The following METTL15 variants were observed in gnomAD, a reference collection of about 807,000 sequenced individuals.
The protein encoded by METTL15 is 12S rRNA N(4)-cytidine methyltransferase METTL15.
Under a neutral mutation model 38.3 loss-of-function variants are expected in METTL15, and 34 were observed. The observed-to-expected ratio is 0.89, with a 90% CI of 0.68 to 1.18. The LOEUF is 1.18. METTL15 is among the 50% of genes most tolerant of loss of function. The pLI, the probability that METTL15 is intolerant of heterozygous loss-of-function variation, is 0.00. For missense variants in METTL15, 438 were observed against 498.4 expected (o/e 0.88, Z 1.15); for synonymous variants, 162 against 170.9 (o/e 0.95, Z 0.41).
intron 3 of METTL15, among the ~76,000 whole-genome samples, chr11:28,191,079 T>C (rs1224516421): frequency 6.6e-6 from 1 of 151,476 alleles, no homozygotes; most frequent in East Asian, 1.9e-4. Context: ...ATAAGGTTTG[T>C]ATTTTAAACT....
At chr11:28,128,204 G>A (rs900511062) in intron 3 of METTL15, among the ~76,000 whole-genome samples, 1 of 151,914 alleles carries the variant, frequency 6.6e-6, no homozygotes, top group African/African-American at 2.4e-5. Flanking sequence ...TGTATTAATG[G>A]TGTTTTATAG....
chr11:28,525,100 C>T (rs547183702), intron 6 of METTL15, among the ~76,000 whole-genome samples: 9 of 152,154 alleles, frequency 5.9e-5, no homozygotes, highest in East Asian at 1.9e-4. Flanking sequence ...TGCAGACCTT[C>T]GCTGTGAGTG....
Position 28,195,575 on chromosome 11 carries a change from AT to A in METTL15, c.271-15481del, listed in dbSNP as rs556451322. 3.3e-5 allele frequency among the ~76,000 whole-genome samples: 5 copies of A among 151,456 alleles called. 1 individual carries two copies. The South Asian group carries it at 1.0e-3, about 32-fold the overall frequency. ...TAATGGGATTGTTTTCTTCTTGCTCATTTTTTCGAGTTCCGTGTGGATTCTG... is the reference window on the plus strand; with the variant it reads ...TAATGGGATTGTTTTCTTCTTGCTCATTTTTCGAGTTCCGTGTGGATTCTG... On this transcript the variant is annotated intron_variant, in intron 3 of 6. Transcript: ENST00000407364.
chr11:28,230,661 G>A (rs979475409), intron 4 of METTL15, among the ~76,000 whole-genome samples: 30 of 151,864 alleles, frequency 2.0e-4, no homozygotes, highest in South Asian at 8.3e-4. Context: ...TCTCTAAATC[G>A]TCAACTAATT....
At chr11:28,444,688 A>G (rs1303441715) in intron 6 of METTL15, among the ~76,000 whole-genome samples, 1 of 152,160 alleles carries the variant, frequency 6.6e-6, no homozygotes, top group Non-Finnish European at 1.5e-5. Flanking sequence ...AAATGTTGCA[A>G]AGATTAAGTG....
chr11:28,311,041 C>T (rs1207392543), intron 6 of METTL15, among the ~76,000 whole-genome samples: 1 of 147,236 alleles, frequency 6.8e-6, no homozygotes, highest in African/African-American at 2.5e-5. Context: ...AGATTCCATC[C>T]ATTATTTCCC....
intron 3 of METTL15, among the ~76,000 whole-genome samples, chr11:28,144,653 A>C (rs1849817018): frequency 6.6e-6 from 1 of 152,050 alleles, no homozygotes; most frequent in Non-Finnish European, 1.5e-5. Flanking sequence ...TTTGGTGGAT[A>C]TAGTGAATAA....
intron 2 of METTL15, among the ~76,000 whole-genome samples, chr11:28,112,125 A>C (rs1851744808): frequency 6.6e-6 from 1 of 152,106 alleles, no homozygotes; most frequent in African/African-American, 2.4e-5. Flanking sequence ...CAACGTTTTT[A>C]ATTTTTTTTA....
chr11:28,308,550 G>A (rs1040672728), intron 6 of METTL15, among the ~76,000 whole-genome samples: 2 of 152,028 alleles, frequency 1.3e-5, no homozygotes, highest in Non-Finnish European at 2.9e-5. Context: ...TGTTTATGTA[G>A]TGCTTCAAAG....
chr11:28,437,992 A>G (rs555378965), intron 6 of METTL15, among the ~76,000 whole-genome samples: 48 of 139,142 alleles, frequency 3.4e-4, no homozygotes, highest in African/African-American at 1.1e-3. Flanking sequence ...TAGGTGCTCA[A>G]TAAATATTTA....
intron 6 of METTL15, among the ~76,000 whole-genome samples, chr11:28,314,971 G>C (rs933809191): frequency 4.6e-5 from 7 of 152,204 alleles, no homozygotes; most frequent in African/African-American, 7.2e-5. Flanking sequence ...ATGTGGAACT[G>C]TAAGTCCAAT....
chr11:28,439,578 A>G (rs571406692), intron 6 of METTL15, among the ~76,000 whole-genome samples: 47 of 152,128 alleles, frequency 3.1e-4, no homozygotes, highest in Non-Finnish European at 5.4e-4. Context: ...GTCTTCCCTC[A>G]TTATCCCTGT....
chr11:28,123,121 A>G (rs1852321802), intron 3 of METTL15, among the ~76,000 whole-genome samples: 1 of 152,146 alleles, frequency 6.6e-6, no homozygotes, highest in Admixed American at 6.6e-5. Context: ...TTCATTGTAT[A>G]TGAGAAGCTC....
intron 4 of METTL15, among the ~76,000 whole-genome samples, chr11:28,269,923 T>C (rs1357731807): frequency 6.6e-6 from 1 of 152,210 alleles, no homozygotes; most frequent in Non-Finnish European, 1.5e-5. Flanking sequence ...GAAAATATTT[T>C]AGATTTTTAT....
intron 6 of METTL15, among the ~76,000 whole-genome samples, chr11:28,498,792 G>C (rs1460466109): frequency 2.6e-5 from 4 of 152,216 alleles, no homozygotes; most frequent in Non-Finnish European, 2.9e-5. Flanking sequence ...ACAAGAAAAG[G>C]ACACTCGTTA....
intron 3 of METTL15, among the ~76,000 whole-genome samples, chr11:28,159,732 T>C (rs370318625): frequency 7.0e-4 from 107 of 152,322 alleles, no homozygotes; most frequent in African/African-American, 2.4e-3. Context: ...GTTAACTTTA[T>C]GTAATAGTAT....
intron 4 of METTL15, among the ~76,000 whole-genome samples, chr11:28,224,157 ACGTTTTTCATTTCATCTTTCTAATT>A (rs1853373070): frequency 6.6e-6 from 1 of 151,994 alleles, no homozygotes; most frequent in Non-Finnish European, 1.5e-5. Flanking sequence ...TAGTGATTTT[ACGTTTTTCATTTCATCTTTCTAATT>A]GTCAGTGTTT....
chr11:28,328,442 T>C (rs191184053), intron 6 of METTL15, among the ~76,000 whole-genome samples: 1 of 152,264 alleles, frequency 6.6e-6, no homozygotes, highest in East Asian at 1.9e-4. Context: ...GGTGTTTAGA[T>C]TACTGAAATG....
intron 5 of METTL15, among the ~76,000 whole-genome samples, chr11:28,375,877 C>T (rs369049595): frequency 6.6e-5 from 10 of 151,394 alleles, no homozygotes; most frequent in South Asian, 4.2e-4. Context: ...TCTTTGTTCT[C>T]GTTGGTTTCA....
Sources: gnomAD v4.1 joint callset for allele counts (sites outside exome capture counted in the v4.1 genomes callset) on GRCh38, gnomAD v4.1.1 for gene constraint, MANE v1.5 for transcripts, NCBI Gene and HGNC (gene_info 2026-07-23, HGNC 2026-07-21) for gene names.